GTPBP6: variants seen among roughly 807,000 people sequenced by gnomAD.
GTPBP6 encodes the protein putative GTP-binding protein 6.
In GTPBP6, 33 loss-of-function variants were observed where a neutral mutation model predicts 28.9. The observed-to-expected ratio is 1.14, with a 90% CI of 0.87 to 1.53. The LOEUF (loss-of-function observed/expected upper bound fraction) is 1.53, where lower values mean the gene tolerates loss of function less well. Among genes scored for constraint, GTPBP6 ranks in the 40% most tolerant of loss-of-function variants. GTPBP6 has a pLI of 0.00. For missense variants in GTPBP6, 507 were observed against 408.3 expected (o/e 1.24, Z -2.08); for synonymous variants, 231 against 192.7 (o/e 1.20, Z -1.65).
intron 7 of GTPBP6, among the ~76,000 whole-genome samples, chrX:311,056 G>A (rs2070277085): frequency 1.3e-5 from 2 of 152,084 alleles, no homozygotes; most frequent in Non-Finnish European, 1.5e-5. Context: ...ACGGGCTCAC[G>A]GCGGCAAGAA....
rs183245872 is a variant in GTPBP6 at position 312,496 on chromosome X, C to A, written c.916+270G>T. The A allele has an allele frequency of 2.0e-3, 1,336 of 662,954 alleles. 27 individuals carry two copies. The East Asian group carries it at 0.037, about 18-fold the overall frequency. The allele number at this position is 662,954 out of a possible 1,614,324, so 41.1% of individuals were successfully genotyped here. A position where few individuals can be genotyped will look rare whatever the true frequency, so the allele number is the denominator to read the frequency against. ...TTGTGGTATAGACAGGGTGGTAAAG[C>A]TCTGGATGGGAGGATGGGGTAGATG... On this transcript the variant is annotated intron_variant, in intron 6 of 9. Transcript: ENST00000326153.
chrX:313,227 G>A (rs1160847680), intron 5 of GTPBP6, among the ~76,000 whole-genome samples: 2 of 152,374 alleles, frequency 1.3e-5, no homozygotes, highest in Admixed American at 6.5e-5. Flanking sequence ...GGCCCAGGAC[G>A]TCATCGTGAG....
At chrX:306,606 G>T (rs889740266) in intron 9 of GTPBP6, among the ~76,000 whole-genome samples, 23 of 150,076 alleles carry the variant, frequency 1.5e-4, no homozygotes, top group African/African-American at 5.7e-4. Flanking sequence ...GGCACCTGTT[G>T]TATGCAGTCA....
In GTPBP6 at chrX:310,532, G is replaced by A. The variant is rs1384814337; in HGVS notation, c.1125+887C>T. Among the ~76,000 whole-genome samples, 8 of 125,386 alleles carry A rather than the reference G, an allele frequency of 6.4e-5. No homozygotes were observed. The East Asian group carries it at 2.0e-3, about 31-fold the overall frequency. 82.3% of individuals were successfully genotyped at this position (125,386 alleles called of 152,430 possible). ...ATTTGGAAACAGGGTCTCTGCAGATGTGATTAAGTGGAAGATCTGAAATGA... is the reference window on the plus strand; with the variant it reads ...ATTTGGAAACAGGGTCTCTGCAGATATGATTAAGTGGAAGATCTGAAATGA... On this transcript the variant is annotated intron_variant, in intron 7 of 9. Transcript: ENST00000326153.
chrX:312,405 G>A (rs367681581), intron 6 of GTPBP6: 5 of 512,444 alleles, frequency 9.8e-6, no homozygotes, highest in Non-Finnish European at 1.9e-5. Context: ...TGTGTAGACA[G>A]GGTGGTGGTA....
chrX:308,028 C>G, intron 7 of GTPBP6, 148 bp from the exon 8 acceptor site: 1 of 628,336 alleles, frequency 1.6e-6, no homozygotes, highest in Non-Finnish European at 2.4e-6. Flanking sequence ...CTCGGACACC[C>G]CAGGACGGGG....
exon 1 of GTPBP6, chrX:318,517 G>A: frequency 2.5e-6 from 1 of 398,544 alleles, no homozygotes; most frequent in East Asian, 3.6e-5. Flanking sequence ...CCCGCCGGCA[G>A]CAGAGGCTCT....
At chrX:314,169 C>A (rs200201384) in exon 5 of GTPBP6, 2 of 1,613,354 alleles carry the variant, frequency 1.2e-6, no homozygotes, top group Admixed American at 1.7e-5. Context: ...TGATGTAGCG[C>A]GAGCCGACTC....
chrX:314,106 G>C, intron 5 of GTPBP6, 44 bp downstream of exon 5: 2 of 1,456,502 alleles, frequency 1.4e-6, no homozygotes, highest in Non-Finnish European at 1.9e-6. Context: ...GCTGACAACC[G>C]CATTCCGAGG....
chrX:306,136 GCA>G (rs772349297), intron 9 of GTPBP6, among the ~76,000 whole-genome samples: 6 of 152,260 alleles, frequency 3.9e-5, no homozygotes, highest in Admixed American at 3.3e-4. Context: ...CCTGTTGTGC[GCA>G]CAGTCAGAAA....
chrX:318,590 C>A (rs1320045693), exon 1 of GTPBP6: 80 of 397,884 alleles, frequency 2.0e-4, no homozygotes, highest in Non-Finnish European at 1.8e-4. Flanking sequence ...CGTCGTCTCC[C>A]GTGCGGCTTC....
exon 9 of GTPBP6, chrX:307,369 G>T: frequency 6.2e-6 from 10 of 1,612,058 alleles, no homozygotes; most frequent in Non-Finnish European, 8.5e-6. Flanking sequence ...CCTGAGCTGC[G>T]CCCCTGCGAG....
chrX:314,245 C>G (rs924626940), intron 4 of GTPBP6, 28 bp from the exon 5 acceptor site: 30 of 1,587,276 alleles, frequency 1.9e-5, no homozygotes, highest in Non-Finnish European at 2.3e-5. Flanking sequence ...GTGGCTCGGT[C>G]TCTGCGGACG....
At chrX:314,703 C>T (rs1333313799) in intron 4 of GTPBP6, among the ~76,000 whole-genome samples, 187 bp downstream of exon 4, 2 of 152,168 alleles carry the variant, frequency 1.3e-5, no homozygotes, top group African/African-American at 4.8e-5. Context: ...GTCTCGATCT[C>T]GTGACCTCGT....
chrX:313,720 A>G (rs944583923), intron 5 of GTPBP6, among the ~76,000 whole-genome samples: 1 of 151,210 alleles, frequency 6.6e-6, no homozygotes, highest in African/African-American at 2.4e-5. Context: ...ACGGAGGCAG[A>G]GACTGGAGTG....
At chrX:305,786 G>A (rs376255530) in intron 9 of GTPBP6, among the ~76,000 whole-genome samples, 1,718 of 150,924 alleles carry the variant, frequency 0.011, 65 homozygotes, top group African/African-American at 0.04. Context: ...CACTGCGCCC[G>A]GCTAATTTTT....
Position 312,918 on chromosome X carries a change from G to A in GTPBP6, c.764C>T (p.Ser255Phe), listed in dbSNP as rs762562437. The change falls in exon 6 of 10, where the codon TCC becomes TTC. Residue 255 changes from serine to phenylalanine, a missense_variant. By Grantham distance (155) the Ser-to-Phe change is radical. Transcript: ENST00000326153. Reference sequence around the variant, plus strand: ...GAGACGCTGCTGCAGCTGCATGAAGGATTCTCCTAAAAGACACCCGAGATG... The same window carrying A: ...GAGACGCTGCTGCAGCTGCATGAAGAATTCTCCTAAAAGACACCCGAGATG... The A allele has an allele frequency of 3.7e-6, 6 of 1,611,822 alleles. No homozygotes were observed. In the South Asian group the frequency reaches 5.5e-5, roughly 15 times the overall value.
chrX:317,443 G>A (rs1181100447), intron 1 of GTPBP6, among the ~76,000 whole-genome samples: 1 of 151,594 alleles, frequency 6.6e-6, no homozygotes, highest in Non-Finnish European at 1.5e-5. Context: ...TAGCCATTTT[G>A]GAAAACACCC....
intron 5 of GTPBP6, among the ~76,000 whole-genome samples, chrX:313,239 G>A (rs1229736348): frequency 2.6e-5 from 4 of 152,246 alleles, no homozygotes; most frequent in East Asian, 1.9e-4. Flanking sequence ...CATCGTGAGC[G>A]GGCTCAGTGG....
Sources: allele counts gnomAD v4.1 joint callset (sites outside exome capture counted in the v4.1 genomes callset), GRCh38; gene constraint gnomAD v4.1.1; transcripts MANE v1.5; gene names NCBI Gene and HGNC (gene_info 2026-07-23, HGNC 2026-07-21).